ATG5: variants seen among roughly 807,000 people sequenced by gnomAD.
ATG5 encodes the protein autophagy protein 5.
A neutral mutation model predicts 36.5 loss-of-function variants in ATG5; 14 were observed. That is an observed-to-expected ratio of 0.38 (90% CI 0.25 to 0.60). ATG5 has a LOEUF of 0.60. Among genes scored for constraint, ATG5 ranks in the 20% least tolerant of loss-of-function variants. The pLI is 0.60. For missense variants in ATG5, 195 were observed against 326.7 expected (o/e 0.60, Z 3.11); for synonymous variants, 95 against 101.5 (o/e 0.94, Z 0.38).
At chr6:106,299,806 C>A (rs2114646608) in intron 3 of ATG5, among the ~76,000 whole-genome samples, 1 of 152,300 alleles carries the variant, frequency 6.6e-6, no homozygotes, top group East Asian at 1.9e-4. Context: ...AAAATCAGCA[C>A]TGAAAGAATT....
chr6:106,287,814 A>G (rs1310742903), intron 4 of ATG5, among the ~76,000 whole-genome samples: 1 of 152,156 alleles, frequency 6.6e-6, no homozygotes, highest in African/African-American at 2.4e-5. Flanking sequence ...AAAAATCTAC[A>G]TACTGTAAGT....
In ATG5 at chr6:106,306,563, T is replaced by C. The variant is rs1770454335; in HGVS notation, c.236+1801A>G. On this transcript the variant is annotated intron_variant, in intron 3 of 7. Coordinates refer to ENST00000369076, the MANE Select transcript of ATG5 (RefSeq NM_004849.4). ...GGTAGCCCACCACAACAAAGAATTA[T>C]CAAATTCAAAATGTCAGTAGTGACC... Among the ~76,000 whole-genome samples, 3 of 152,180 alleles carry C rather than the reference T, an allele frequency of 2.0e-5. No homozygotes were observed. The South Asian group carries it at 6.2e-4, about 31-fold the overall frequency.
Sources: allele counts gnomAD v4.1 joint callset (sites outside exome capture counted in the v4.1 genomes callset), GRCh38; gene constraint gnomAD v4.1.1; transcripts MANE v1.5; gene names NCBI Gene and HGNC (gene_info 2026-07-23, HGNC 2026-07-21).